NEGR1: variants seen among roughly 807,000 people sequenced by gnomAD.
The protein encoded by NEGR1 is IgLON family member 4.
NEGR1 carries 10 observed loss-of-function variants against 40.9 expected under a neutral mutation model. The observed-to-expected ratio is 0.24, with a 90% CI of 0.15 to 0.42. NEGR1 has a LOEUF of 0.42. Among genes scored for constraint, NEGR1 ranks in the 10% least tolerant of loss-of-function variants. The pLI, the probability that NEGR1 is intolerant of heterozygous loss-of-function variation, is 1.00. For missense variants in NEGR1, 352 were observed against 438.9 expected (o/e 0.80, Z 1.77); for synonymous variants, 185 against 166.8 (o/e 1.11, Z -0.84).
chr1:72,178,256 A>G (rs1652245772), intron 1 of NEGR1, among the ~76,000 whole-genome samples: 1 of 151,992 alleles, frequency 6.6e-6, no homozygotes, highest in Non-Finnish European at 1.5e-5. Flanking sequence ...AAAAAATCAT[A>G]TATGTTGAAT....
chr1:72,029,209 G>A (rs970758572), intron 1 of NEGR1, among the ~76,000 whole-genome samples: 1 of 152,168 alleles, frequency 6.6e-6, no homozygotes, highest in East Asian at 1.9e-4. Flanking sequence ...GGCTGGACAT[G>A]GTGGCTTGCG....
chr1:71,656,561 C>T (rs576216238), intron 4 of NEGR1, among the ~76,000 whole-genome samples: 2 of 151,992 alleles, frequency 1.3e-5, no homozygotes, highest in Non-Finnish European at 2.9e-5. Context: ...TACAGGCGCC[C>T]GCCACCGTGC....
At chr1:71,998,692 AT>A (rs1016116988) in intron 1 of NEGR1, among the ~76,000 whole-genome samples, 8 of 151,718 alleles carry the variant, frequency 5.3e-5, no homozygotes, top group African/African-American at 1.7e-4. Context: ...TTGCATTTAC[AT>A]TTTATATAGA....
At chr1:71,618,380 A>C (rs1650509579) in intron 4 of NEGR1, among the ~76,000 whole-genome samples, 1 of 152,138 alleles carries the variant, frequency 6.6e-6, no homozygotes, top group Admixed American at 6.6e-5. Context: ...AATCTCCATA[A>C]GTTCTGGATT....
intron 3 of NEGR1, among the ~76,000 whole-genome samples, chr1:71,746,482 T>G (rs1655386480): frequency 6.6e-6 from 1 of 152,130 alleles, no homozygotes; most frequent in Non-Finnish European, 1.5e-5. Flanking sequence ...AAAATCACAT[T>G]TTTGAGTGAA....
chr1:71,968,488 A>C (rs1570563717), intron 1 of NEGR1, among the ~76,000 whole-genome samples: 1 of 152,214 alleles, frequency 6.6e-6, no homozygotes, highest in East Asian at 1.9e-4. Context: ...TCCGTGAACA[A>C]AACACATAAA....
intron 1 of NEGR1, among the ~76,000 whole-genome samples, chr1:72,098,898 C>T (rs976695434): frequency 6.6e-6 from 1 of 151,804 alleles, no homozygotes; most frequent in South Asian, 2.1e-4. Flanking sequence ...CAAAAACATA[C>T]AAAACTAAAT....
At chr1:71,555,998 A>T (rs921793336) in intron 6 of NEGR1, among the ~76,000 whole-genome samples, 1 of 151,450 alleles carries the variant, frequency 6.6e-6, no homozygotes, top group Non-Finnish European at 1.5e-5. Flanking sequence ...TATGTAATCT[A>T]AAAAATATGA....
At chr1:71,754,613 A>C (rs1655673459) in intron 3 of NEGR1, among the ~76,000 whole-genome samples, 1 of 151,832 alleles carries the variant, frequency 6.6e-6, no homozygotes, top group East Asian at 1.9e-4. Flanking sequence ...TTTCTTCTCT[A>C]CCTCACCACA....
At chr1:72,085,176 C>T (rs1648165266) in intron 1 of NEGR1, among the ~76,000 whole-genome samples, 1 of 152,062 alleles carries the variant, frequency 6.6e-6, no homozygotes, top group Admixed American at 6.6e-5. Flanking sequence ...TTTTATTAGA[C>T]AGAAATGCAT....
intron 1 of NEGR1, among the ~76,000 whole-genome samples, chr1:71,968,860 A>C (rs1200979820): frequency 1.3e-5 from 2 of 152,142 alleles, no homozygotes; most frequent in East Asian, 1.9e-4. Flanking sequence ...TCTCATGGAA[A>C]ACCAGCTTGC....
chr1:71,938,454 A>T (rs999298350), intron 1 of NEGR1, among the ~76,000 whole-genome samples: 1 of 146,340 alleles, frequency 6.8e-6, no homozygotes, highest in Non-Finnish European at 1.5e-5. Context: ...ATTCCTTGAG[A>T]ATAAGAACTA....
chr1:72,022,580 A>G (rs1646770877), intron 1 of NEGR1, among the ~76,000 whole-genome samples: 2 of 150,976 alleles, frequency 1.3e-5, no homozygotes, highest in South Asian at 4.1e-4. Flanking sequence ...GTATATATAA[A>G]TTATAGATTA....
At chr1:71,778,553 T>C (rs1656590452) in intron 2 of NEGR1, among the ~76,000 whole-genome samples, 1 of 152,300 alleles carries the variant, frequency 6.6e-6, no homozygotes, top group Admixed American at 6.5e-5. Context: ...GGAGCATCTG[T>C]ATTCATAAAC....
intron 6 of NEGR1, among the ~76,000 whole-genome samples, chr1:71,544,648 T>C (rs922755288): frequency 6.6e-6 from 1 of 151,726 alleles, no homozygotes; most frequent in African/African-American, 2.4e-5. Flanking sequence ...CAACAGATTA[T>C]ATACACTTTA....
chr1:71,726,608 C>G (rs937455473), intron 3 of NEGR1, among the ~76,000 whole-genome samples: 1 of 152,018 alleles, frequency 6.6e-6, no homozygotes, highest in Admixed American at 6.6e-5. Context: ...TCCCACATCA[C>G]CAGGCTCATA....
intron 6 of NEGR1, among the ~76,000 whole-genome samples, chr1:71,554,438 C>T (rs1648185638): frequency 6.6e-6 from 1 of 151,296 alleles, no homozygotes; most frequent in African/African-American, 2.4e-5. Context: ...CAGTAGGCTA[C>T]CTGTTCGGCC....
chr1:71,522,720 AC>A (rs1164102900), intron 6 of NEGR1, among the ~76,000 whole-genome samples: 104 of 109,528 alleles, frequency 9.5e-4, no homozygotes, highest in Non-Finnish European at 1.7e-3. Flanking sequence ...CCTCCCCTCT[AC>A]CCCCCCCTTA....
At chr1:72,196,760 A>G (rs1047020383) in intron 1 of NEGR1, among the ~76,000 whole-genome samples, 3 of 131,166 alleles carry the variant, frequency 2.3e-5, no homozygotes, top group Non-Finnish European at 4.8e-5. Flanking sequence ...GAGAGACTCC[A>G]TTAAAAAAAA....
Sources: gnomAD v4.1 joint callset for allele counts (sites outside exome capture counted in the v4.1 genomes callset) on GRCh38, gnomAD v4.1.1 for gene constraint, MANE v1.5 for transcripts, NCBI Gene and HGNC (gene_info 2026-07-23, HGNC 2026-07-21) for gene names.